The following RALB variants were observed in gnomAD, a reference collection of about 807,000 sequenced individuals.
RALB encodes ras-related protein Ral-B.
Under a neutral mutation model 21.3 loss-of-function variants are expected in RALB, and 16 were observed. The ratio of observed to expected loss-of-function variants is 0.75; its 90% CI spans 0.51 to 1.14. The LOEUF (loss-of-function observed/expected upper bound fraction) is 1.14. Ranked by LOEUF, RALB falls within the 50% of genes most tolerant of loss-of-function variation. RALB has a pLI of 0.00. For missense variants in RALB, 161 were observed against 256.2 expected, an observed-to-expected ratio of 0.63 and a Z score of 2.54; for synonymous variants, 93 against 96.1, an observed-to-expected ratio of 0.97 and a Z score of 0.19.
chr2:120,265,317 G>T (rs1490825331), intron 1 of RALB, among the ~76,000 whole-genome samples: 1 of 152,200 alleles, frequency 6.6e-6, no homozygotes, highest in Non-Finnish European at 1.5e-5. Flanking sequence ...ACACAATGGG[G>T]AAGTATTTGT....
intron 1 of RALB, among the ~76,000 whole-genome samples, chr2:120,260,577 C>A (rs3925970): frequency 0.46 from 69,330 of 151,916 alleles, 17,441 homozygotes; most frequent in Middle Eastern, 0.67. Flanking sequence ...GAAGTGCTGA[C>A]ATCTAGATGG....
In RALB at chr2:120,285,162, C is replaced by T. The variant is rs1340850894; in HGVS notation, c.115-712C>T. Among the ~76,000 whole-genome samples, 3 of 152,122 alleles carry T rather than the reference C, an allele frequency of 2.0e-5. No individual in the cohort carries two copies. The East Asian group carries it at 5.8e-4, about 29-fold the overall frequency. Reference sequence around the variant, plus strand: ...CAGAAGGGGGAGCAAACATGTCCTTCACAAGGCGCCAGGAAGAAGTGCAGA... The same window carrying T: ...CAGAAGGGGGAGCAAACATGTCCTTTACAAGGCGCCAGGAAGAAGTGCAGA... On this transcript the variant is annotated intron_variant, in intron 2 of 4. Coordinates refer to ENST00000272519, the MANE Select transcript of RALB (RefSeq NM_002881.3).
At chr2:120,245,385 G>A (rs1267828282) in intron 1 of RALB, among the ~76,000 whole-genome samples, 1 of 152,228 alleles carries the variant, frequency 6.6e-6, no homozygotes, top group Non-Finnish European at 1.5e-5. Flanking sequence ...CTCTCAGGCT[G>A]TGAGATCCTG....
intron 1 of RALB, among the ~76,000 whole-genome samples, chr2:120,241,329 G>T (rs1306063297): frequency 6.6e-6 from 1 of 152,220 alleles, no homozygotes; most frequent in East Asian, 1.9e-4. Flanking sequence ...TAGTTCACAG[G>T]GTGAAGATCC....
At chr2:120,256,458 G>A (rs934350432) in intron 1 of RALB, among the ~76,000 whole-genome samples, 6 of 152,014 alleles carry the variant, frequency 3.9e-5, no homozygotes, top group African/African-American at 9.7e-5. Flanking sequence ...GGAGGGACTC[G>A]GTGGGAGGTA....
At chr2:120,291,450 ACT>A (rs1244017778) in intron 4 of RALB, among the ~76,000 whole-genome samples, 1 of 151,702 alleles carries the variant, frequency 6.6e-6, no homozygotes, top group Non-Finnish European at 1.5e-5. Context: ...AATCAGGGAG[ACT>A]CTCTCAGCTT....
rs11891234 is a variant in RALB at position 120,264,820 on chromosome 2, A to G, written c.-48+11840A>G. ...ATCCTGCTTTCTGTCTCCCATTGTG[A>G]TTGTTTTGGGTACCTCATATCAGTG... On this transcript the variant is annotated intron_variant, in intron 1 of 4. Transcript: ENST00000272519. Among the ~76,000 whole-genome samples, 532 of 151,436 alleles carry G rather than the reference A, an allele frequency of 3.5e-3. 4 individuals are homozygous for G. Among genetic ancestry groups the G allele is most frequent in the African/African-American group, 0.012 (491 of 41,298 alleles).
intron 1 of RALB, among the ~76,000 whole-genome samples, chr2:120,264,051 G>A (rs1027405857): frequency 6.6e-6 from 1 of 151,810 alleles, no homozygotes; most frequent in Non-Finnish European, 1.5e-5. Flanking sequence ...GTTTTACCAT[G>A]TTGGCCAGGT....
At chr2:120,269,212 C>G (rs1344909417) in intron 1 of RALB, among the ~76,000 whole-genome samples, 1 of 152,152 alleles carries the variant, frequency 6.6e-6, no homozygotes, top group Non-Finnish European at 1.5e-5. Flanking sequence ...CGTGGTGTGT[C>G]TGGAGTTTGT....
At position 120,294,153 on chromosome 2, in the gene RALB, CGGAGGTCTAG is replaced by C. The variant is rs1690369648; in HGVS notation, c.*894_*903del. 1 of 398,490 alleles carries C rather than the reference CGGAGGTCTAG, an allele frequency of 2.5e-6. No homozygotes were observed. The highest frequency in any genetic ancestry group is 4.4e-6 in the Non-Finnish European group (1 of 226,082). The allele number at this position is 398,490 out of a possible 1,614,324, so 24.7% of individuals were successfully genotyped here. On this transcript the variant is annotated 3_prime_UTR_variant, in exon 5 of 5. Coordinates refer to ENST00000272519, the MANE Select transcript of RALB (RefSeq NM_002881.3). ...TCTGTCTGATCAGCATCACTGCACA[CGGAGGTCTAG>C]TGAGCCTCTTGCTAAGTGTCACACA...
At chr2:120,267,617 A>G (rs1251389451) in intron 1 of RALB, among the ~76,000 whole-genome samples, 1 of 152,180 alleles carries the variant, frequency 6.6e-6, no homozygotes, top group Non-Finnish European at 1.5e-5. Flanking sequence ...AGACTGCAGC[A>G]GGCTTACGCT....
intron 1 of RALB, among the ~76,000 whole-genome samples, chr2:120,247,566 A>G (rs928415382): frequency 2.0e-5 from 3 of 152,202 alleles, no homozygotes; most frequent in African/African-American, 4.8e-5. Flanking sequence ...AGTCCCTCGT[A>G]AAGTCCTGAC....
chr2:120,242,596 G>A (rs1688912912), intron 1 of RALB, among the ~76,000 whole-genome samples: 2 of 152,014 alleles, frequency 1.3e-5, no homozygotes, highest in Admixed American at 6.6e-5. Flanking sequence ...AAATTAGCCG[G>A]GCGTGGTGGC....
At chr2:120,293,110 A>G (rs1190895695) in intron 4 of RALB, 31 bp from the exon 5 acceptor site, 15 of 1,559,832 alleles carry the variant, frequency 9.6e-6, no homozygotes, top group South Asian at 1.2e-5. Context: ...TTTCTTCACT[A>G]TTCTTTTTAC....
chr2:120,269,417 G>A (rs111965943), intron 1 of RALB, among the ~76,000 whole-genome samples: 4,915 of 152,282 alleles, frequency 0.032, 114 homozygotes, highest in Middle Eastern at 0.051. Context: ...GACCTGAGCA[G>A]GTTGCTGCTG....
chr2:120,252,587 G>C (rs1051131750), upstream of RALB, among the ~76,000 whole-genome samples: 47 of 152,228 alleles, frequency 3.1e-4, no homozygotes, highest in African/African-American at 1.1e-3. Flanking sequence ...ACTGCCGCAG[G>C]GTTACCAGCT....
At chr2:120,252,679 C>G, upstream of RALB, 1 of 671,558 alleles carries the variant, frequency 1.5e-6, no homozygotes, top group Non-Finnish European at 1.8e-6. Flanking sequence ...GGGGCAGCTT[C>G]TCATTGGTGA....
At chr2:120,249,709 C>A (rs998998637), upstream of RALB, among the ~76,000 whole-genome samples, 6 of 152,216 alleles carry the variant, frequency 3.9e-5, no homozygotes, top group Non-Finnish European at 7.3e-5. Context: ...GTGGGGATTA[C>A]ATTTCAACAT....
chr2:120,277,960 AGT>A (rs1277972394), intron 1 of RALB, among the ~76,000 whole-genome samples: 4 of 136,520 alleles, frequency 2.9e-5, no homozygotes, highest in East Asian at 2.1e-4. Flanking sequence ...TGTGAATGTG[AGT>A]GAATGTGTGT....
Sources: gnomAD v4.1 joint callset for allele counts (sites outside exome capture counted in the v4.1 genomes callset) on GRCh38, gnomAD v4.1.1 for gene constraint, MANE v1.5 for transcripts, NCBI Gene and HGNC (gene_info 2026-07-23, HGNC 2026-07-21) for gene names.